BAIAP2: variants seen among roughly 807,000 people sequenced by gnomAD.
BAIAP2 encodes BAR/IMD domain-containing adapter protein 2.
A neutral mutation model predicts 63.0 loss-of-function variants in BAIAP2; 18 were observed. The ratio of observed to expected loss-of-function variants is 0.29; its 90% CI spans 0.20 to 0.42. BAIAP2 has a LOEUF of 0.42. BAIAP2 is among the 10% of genes least tolerant of loss of function. The pLI, the probability that BAIAP2 is intolerant of heterozygous loss-of-function variation, is 1.00. For missense variants in BAIAP2, 610 were observed against 734.3 expected (o/e 0.83, Z 1.96); for synonymous variants, 386 against 307.6 (o/e 1.25, Z -2.67).
intron 13 of BAIAP2, among the ~76,000 whole-genome samples, chr17:81,115,470 G>GCCCCGCCCCA (rs1172839300): frequency 5.3e-5 from 8 of 150,662 alleles, no homozygotes; most frequent in South Asian, 2.1e-4. Context: ...TGGCTGGCCT[G>GCCCCGCCCCA]CCCCGCCCCA....
chr17:81,052,875 C>T (rs2048891702), intron 1 of BAIAP2, among the ~76,000 whole-genome samples: 1 of 152,108 alleles, frequency 6.6e-6, no homozygotes, highest in South Asian at 2.1e-4. Flanking sequence ...AGGATCACAT[C>T]ATAACAAATG....
intron 2 of BAIAP2, among the ~76,000 whole-genome samples, chr17:81,056,630 G>A (rs2049611170): frequency 6.6e-6 from 1 of 152,242 alleles, no homozygotes; most frequent in South Asian, 2.1e-4. Context: ...TTCCGTTCGG[G>A]CCTTTCCGCT....
intron 3 of BAIAP2, among the ~76,000 whole-genome samples, chr17:81,058,236 C>A (rs577409856): frequency 6.6e-6 from 1 of 152,236 alleles, no homozygotes; most frequent in South Asian, 2.1e-4. Context: ...CAAATTGGAG[C>A]GGCTGACATG....
At chr17:81,083,258 C>CT (rs921149758) in intron 3 of BAIAP2, 3 of 152,362 alleles carry the variant, frequency 2.0e-5, no homozygotes, top group African/African-American at 7.2e-5. Flanking sequence ...AGAGGACCCT[C>CT]TGGGGCGTGG....
intron 3 of BAIAP2, among the ~76,000 whole-genome samples, chr17:81,078,963 G>T (rs1463873246): frequency 6.6e-6 from 1 of 152,118 alleles, no homozygotes; most frequent in African/African-American, 2.4e-5. Context: ...GGTAAGACCT[G>T]GGGGGAGTGA....
intron 3 of BAIAP2, among the ~76,000 whole-genome samples, chr17:81,070,957 C>T (rs900113376): frequency 2.0e-5 from 3 of 152,226 alleles, no homozygotes; most frequent in Non-Finnish European, 4.4e-5. Flanking sequence ...TCGGCCTCTG[C>T]TCTCCCTCCA....
rs575443904 is a variant in BAIAP2, at chr17:81,115,158, G to A, written c.1536-612G>A. On this transcript the variant is annotated intron_variant, in intron 13 of 13. Transcript: ENST00000428708. Reference sequence around the variant, plus strand: ...TGGCCCCGGGGATATGGGGGAGGGCGCGGCACCCCTCGGGGGACAGGTGGC... The same window carrying A: ...TGGCCCCGGGGATATGGGGGAGGGCACGGCACCCCTCGGGGGACAGGTGGC... 2.2e-4 allele frequency among the ~76,000 whole-genome samples: 33 copies of A among 152,342 alleles called. No homozygotes were observed. In the East Asian group the frequency reaches 2.9e-3, roughly 13 times the overall value.
At chr17:81,060,364 C>T (rs1241493073) in intron 3 of BAIAP2, among the ~76,000 whole-genome samples, 1 of 152,224 alleles carries the variant, frequency 6.6e-6, no homozygotes, top group African/African-American at 2.4e-5. Flanking sequence ...TCCCCACGCT[C>T]CCAGCCCCTG....
At position 81,116,124 on chromosome 17, in the gene BAIAP2, G is replaced by A. The variant is rs2060517497; in HGVS notation, c.*285G>A. On this transcript the variant is annotated 3_prime_UTR_variant, in exon 14 of 14. Transcript: ENST00000428708. ...CTGGTCACATGGCCATGGAGCCTTG[G>A]GTACCCCTGAGTTAAGGGAGGACAT... 8 of 1,575,232 alleles carry A rather than the reference G, an allele frequency of 5.1e-6. No homozygotes were observed. The highest frequency in any genetic ancestry group is 2.7e-5 in the African/African-American group (2 of 74,342).
chr17:81,107,055 G>T (rs2059269497), intron 12 of BAIAP2, 148 bp downstream of exon 12: 1 of 1,007,782 alleles, frequency 9.9e-7, no homozygotes, highest in Admixed American at 3.1e-5. Flanking sequence ...GCATGATTTG[G>T]GAATGTGTAC....
At chr17:81,088,574 T>C (rs542770240) in intron 6 of BAIAP2, among the ~76,000 whole-genome samples, 21 of 152,216 alleles carry the variant, frequency 1.4e-4, no homozygotes, top group Non-Finnish European at 1.8e-4. Context: ...TTGCCTGTTA[T>C]GGACATTCTG....
chr17:81,039,944 G>T (rs551406558), intron 1 of BAIAP2, among the ~76,000 whole-genome samples: 1 of 152,328 alleles, frequency 6.6e-6, no homozygotes, highest in South Asian at 2.1e-4. Flanking sequence ...ACAGGTCTGG[G>T]CCCTGGTCAG....
chr17:81,114,338 C>A (rs2060269204), intron 13 of BAIAP2, among the ~76,000 whole-genome samples: 1 of 152,002 alleles, frequency 6.6e-6, no homozygotes, highest in African/African-American at 2.4e-5. Flanking sequence ...ACTCGGGCCA[C>A]AGAGCACTTC....
intron 13 of BAIAP2, among the ~76,000 whole-genome samples, chr17:81,112,565 A>G (rs565262253): frequency 1.3e-5 from 2 of 152,326 alleles, no homozygotes; most frequent in South Asian, 4.1e-4. Context: ...CGGAGGCCCA[A>G]GCGCCCACGC....
intron 6 of BAIAP2, among the ~76,000 whole-genome samples, chr17:81,093,828 A>C (rs1047551582): frequency 5.9e-5 from 9 of 152,318 alleles, no homozygotes; most frequent in Admixed American, 3.9e-4. Flanking sequence ...AGATAATAGC[A>C]GGGCCGGTGA....
chr17:81,101,667 C>T lies in BAIAP2; in HGVS notation c.642+1587C>T, dbSNP rs547883046. ...CACACACACGCACGTGATACAGAAC[C>T]AGTGCTCCAGTCCCCACAGCCTGGG... On this transcript the variant is annotated intron_variant, in intron 7 of 13. Coordinates refer to ENST00000428708, the MANE Select transcript of BAIAP2 (RefSeq NM_001144888.2). Among the ~76,000 whole-genome samples, 11 of 152,302 alleles carry T rather than the reference C, an allele frequency of 7.2e-5. No individual in the cohort carries two copies. In the South Asian group the frequency reaches 2.1e-3, roughly 29 times the overall value.
intron 10 of BAIAP2, chr17:81,105,030 CAATGG>C: frequency 1.1e-5 from 3 of 278,064 alleles, no homozygotes; most frequent in Non-Finnish European, 2.1e-5. Flanking sequence ...GTATCTCCCC[CAATGG>C]CAGGGGTCTT....
chr17:81,068,303 G>A (rs1329070289), intron 3 of BAIAP2, among the ~76,000 whole-genome samples: 1 of 152,252 alleles, frequency 6.6e-6, no homozygotes, highest in East Asian at 1.9e-4. Flanking sequence ...ACAGATAGGC[G>A]AGGCTGGTTA....
chr17:81,095,244 T>C (rs1430698103), intron 6 of BAIAP2, among the ~76,000 whole-genome samples: 3 of 151,960 alleles, frequency 2.0e-5, no homozygotes, highest in Non-Finnish European at 4.4e-5. Flanking sequence ...CTCAGGGCCG[T>C]TGTAAATGGC....
Sources: allele counts gnomAD v4.1 joint callset (sites outside exome capture counted in the v4.1 genomes callset), GRCh38; gene constraint gnomAD v4.1.1; transcripts MANE v1.5; gene names NCBI Gene and HGNC (gene_info 2026-07-23, HGNC 2026-07-21).